The following MBNL2 variants were observed in gnomAD, a reference collection of about 807,000 sequenced individuals.
MBNL2 encodes muscleblind-like protein 2.
MBNL2 carries 17 observed loss-of-function variants against 41.9 expected under a neutral mutation model. The ratio of observed to expected loss-of-function variants is 0.41; its 90% CI spans 0.28 to 0.61. The LOEUF is 0.61. Ranked by LOEUF, MBNL2 falls within the 20% of genes least tolerant of loss-of-function variation. The probability of loss-of-function intolerance (pLI) is 0.35; values close to 1 mark genes in which losing one functional copy is unlikely to be tolerated. For missense variants in MBNL2, 336 were observed against 505.6 expected, an observed-to-expected ratio of 0.66 and a Z score of 3.22; for synonymous variants, 195 against 182.9, an observed-to-expected ratio of 1.07 and a Z score of -0.53.
the MBNL2 span, among the ~76,000 whole-genome samples, chr13:97,200,901 C>T: frequency 6.6e-6 from 1 of 152,126 alleles, no homozygotes; most frequent in African/African-American, 2.4e-5. Flanking sequence ...CACCCAAGGT[C>T]CTGCAATACT....
At chr13:97,296,990 C>A (rs2057104772) in intron 2 of MBNL2, among the ~76,000 whole-genome samples, 1 of 152,180 alleles carries the variant, frequency 6.6e-6, no homozygotes, top group African/African-American at 2.4e-5. Context: ...CCAGTCAAGG[C>A]TCTTGTCTGT....
the MBNL2 span, among the ~76,000 whole-genome samples, chr13:97,148,391 A>G: frequency 6.6e-6 from 1 of 152,088 alleles, no homozygotes; most frequent in Non-Finnish European, 1.5e-5. Flanking sequence ...CATACCATTC[A>G]TTATATATTT....
At chr13:97,261,876 G>T (rs1466870848) in intron 1 of MBNL2, among the ~76,000 whole-genome samples, 1 of 152,178 alleles carries the variant, frequency 6.6e-6, no homozygotes, top group Non-Finnish European at 1.5e-5. Context: ...CCTCGCTGAG[G>T]CTGGGCCTCC....
rs769906087 is a variant in MBNL2 at position 97,356,764 on chromosome 13, G to A, written c.805-32G>A. The A allele has an allele frequency of 3.7e-6, 5 of 1,343,430 alleles. No individual in the cohort carries two copies. In the South Asian group the frequency reaches 4.6e-5, roughly 12 times the overall value. 83.2% of individuals were successfully genotyped at this position (1,343,430 alleles called of 1,614,324 possible). A position where few individuals can be genotyped will look rare whatever the true frequency, so the allele number is the denominator to read the frequency against. ...TTCGCTTGAATCCCATTGGCCCACTGCCATCATGTGCTCGCTGCCTGTTAT... is the reference window on the plus strand; with the variant it reads ...TTCGCTTGAATCCCATTGGCCCACTACCATCATGTGCTCGCTGCCTGTTAT... On this transcript the variant is annotated intron_variant, in intron 5 of 8. Transcript: ENST00000679496.
the MBNL2 span, among the ~76,000 whole-genome samples, chr13:97,142,348 C>G: frequency 1.3e-5 from 2 of 152,276 alleles, no homozygotes; most frequent in South Asian, 4.1e-4. Context: ...ATTATTGAGA[C>G]GATAGATTCA....
chr13:97,324,433 A>T (rs2059752350), intron 2 of MBNL2, among the ~76,000 whole-genome samples: 1 of 152,186 alleles, frequency 6.6e-6, no homozygotes, highest in South Asian at 2.1e-4. Flanking sequence ...AGAAATTCCA[A>T]GGCTCAGATA....
At chr13:97,171,471 A>T in the MBNL2 span, among the ~76,000 whole-genome samples, 201 of 152,226 alleles carry the variant, frequency 1.3e-3, 1 homozygote, top group African/African-American at 4.1e-3. Context: ...CTGTAAAAAA[A>T]TTTTTTTGAA....
intron 8 of MBNL2, among the ~76,000 whole-genome samples, chr13:97,368,433 T>TAAAATAAAATA (rs1450335660): frequency 6.6e-6 from 1 of 151,888 alleles, no homozygotes; most frequent in Non-Finnish European, 1.5e-5. Context: ...TAAAATAAAA[T>TAAAATAAAATA]AAAATACAAG....
At chr13:97,342,625 C>T (rs2061525577) in intron 3 of MBNL2, among the ~76,000 whole-genome samples, 1 of 152,150 alleles carries the variant, frequency 6.6e-6, no homozygotes, top group South Asian at 2.1e-4. Flanking sequence ...TTTTGTGACT[C>T]CTCTCCCTTT....
At position 97,373,473 on chromosome 13, in the gene MBNL2, A is replaced by T. The variant is rs2064601677; in HGVS notation, c.1048+8302A>T. On this transcript the variant is annotated intron_variant, in intron 8 of 8. Coordinates refer to ENST00000679496, the MANE Select transcript of MBNL2 (RefSeq NM_001382683.1). ...TGCACAATTTCTTTGTGTAAAAAAA[A>T]AAAAACTATAAAAATTGCAGCATTT... Among the ~76,000 whole-genome samples, 4 of 152,004 alleles carry T rather than the reference A, an allele frequency of 2.6e-5. No homozygotes were observed. In the South Asian group the frequency reaches 8.3e-4, roughly 32 times the overall value.
intron 8 of MBNL2, among the ~76,000 whole-genome samples, chr13:97,367,591 A>T (rs1293113062): frequency 6.6e-6 from 1 of 152,146 alleles, no homozygotes; most frequent in Non-Finnish European, 1.5e-5. Flanking sequence ...ATTCAAGTGA[A>T]TCCACGATTC....
At chr13:97,192,173 A>C in the MBNL2 span, among the ~76,000 whole-genome samples, 2 of 152,340 alleles carry the variant, frequency 1.3e-5, no homozygotes, top group South Asian at 4.1e-4. Flanking sequence ...ATACTGAAGC[A>C]GAAAGAATAT....
At chr13:97,228,590 A>T (rs1363935400) in intron 1 of MBNL2, among the ~76,000 whole-genome samples, 1 of 142,698 alleles carries the variant, frequency 7.0e-6, no homozygotes, top group Non-Finnish European at 1.5e-5. Context: ...GTGCGGTGGC[A>T]CTATCTCAGC....
chr13:97,183,226 CTG>C, the MBNL2 span, among the ~76,000 whole-genome samples: 3 of 152,128 alleles, frequency 2.0e-5, no homozygotes, highest in Non-Finnish European at 4.4e-5. Context: ...TCACTGATCT[CTG>C]TGTGTCTCTC....
At chr13:97,264,801 C>T (rs2049397871) in intron 1 of MBNL2, among the ~76,000 whole-genome samples, 1 of 152,168 alleles carries the variant, frequency 6.6e-6, no homozygotes, top group African/African-American at 2.4e-5. Flanking sequence ...TTCTGTCCAC[C>T]CAAGGCTATG....
rs550791234 is a variant in MBNL2, at chr13:97,381,139, A to C, written c.1049-10183A>C. ...TGACACACACACACACACACACACCACACACAGGCAAAGAACTAAAAAGAA... is the reference window on the plus strand; with the variant it reads ...TGACACACACACACACACACACACCCCACACAGGCAAAGAACTAAAAAGAA... On this transcript the variant is annotated intron_variant, in intron 8 of 8. Transcript: ENST00000679496. Among the ~76,000 whole-genome samples the C allele has an allele frequency of 3.5e-3, 515 of 148,500 alleles. 2 individuals carry two copies. Among genetic ancestry groups the C allele is most frequent in the Non-Finnish European group, 5.1e-3 (342 of 67,594 alleles).
intron 2 of MBNL2, among the ~76,000 whole-genome samples, chr13:97,291,978 G>A (rs953700614): frequency 3.3e-5 from 5 of 151,026 alleles, no homozygotes; most frequent in Admixed American, 2.0e-4. Context: ...CGAGGTGGGC[G>A]GATAAGGAGG....
At chr13:97,384,455 G>A (rs532739175) in intron 8 of MBNL2, among the ~76,000 whole-genome samples, 7 of 152,272 alleles carry the variant, frequency 4.6e-5, no homozygotes, top group African/African-American at 1.4e-4. Flanking sequence ...CACAAGTGTA[G>A]CCTCTCAGGC....
intron 8 of MBNL2, among the ~76,000 whole-genome samples, chr13:97,383,158 G>C (rs1367871870): frequency 6.6e-6 from 1 of 152,206 alleles, no homozygotes; most frequent in Non-Finnish European, 1.5e-5. Flanking sequence ...TCCCATCTCA[G>C]CATGAGAGCC....
Sources: allele counts gnomAD v4.1 joint callset (sites outside exome capture counted in the v4.1 genomes callset), GRCh38; gene constraint gnomAD v4.1.1; transcripts MANE v1.5; gene names NCBI Gene and HGNC (gene_info 2026-07-23, HGNC 2026-07-21).